Variants in PCDH17 observed in about 807,000 individuals in gnomAD.
The protein encoded by PCDH17 is protocadherin 17.
Under a neutral mutation model 67.7 loss-of-function variants are expected in PCDH17, and 21 were observed. That is an observed-to-expected ratio of 0.31 (90% CI 0.22 to 0.45). The LOEUF (loss-of-function observed/expected upper bound fraction) is 0.45, where lower values mean the gene tolerates loss of function less well. PCDH17 is among the 20% of genes least tolerant of loss of function. The pLI, the probability that PCDH17 is intolerant of heterozygous loss-of-function variation, is 1.00. For missense variants in PCDH17, 1,471 were observed against 1,564.8 expected, an observed-to-expected ratio of 0.94 and a Z score of 1.01; for synonymous variants, 701 against 656.7, an observed-to-expected ratio of 1.07 and a Z score of -1.03.
intron 1 of PCDH17, among the ~76,000 whole-genome samples, chr13:57,650,553 T>A (rs1226697709): frequency 6.6e-6 from 1 of 152,166 alleles, no homozygotes; most frequent in African/African-American, 2.4e-5. Flanking sequence ...GATATCCATG[T>A]TTTTATATTA....
intron 1 of PCDH17, among the ~76,000 whole-genome samples, chr13:57,665,254 C>T (rs918140562): frequency 4.6e-5 from 2 of 43,136 alleles, no homozygotes; most frequent in Non-Finnish European, 8.4e-5. Flanking sequence ...AATAAACTAT[C>T]ATTCTTTAAT....
intron 3 of PCDH17, among the ~76,000 whole-genome samples, chr13:57,683,042 T>C (rs2138050745): frequency 6.6e-6 from 1 of 151,968 alleles, no homozygotes; most frequent in African/African-American, 2.4e-5. Flanking sequence ...ATTCTAAGGT[T>C]ACTAGAGCTT....
chr13:57,720,781 G>T (rs536683578), intron 3 of PCDH17, among the ~76,000 whole-genome samples: 1 of 151,972 alleles, frequency 6.6e-6, no homozygotes, highest in Non-Finnish European at 1.5e-5. Context: ...TATGGTGCAG[G>T]TAAACTGCAA....
chr13:57,691,449 A>C (rs1010528446), intron 3 of PCDH17, among the ~76,000 whole-genome samples: 2 of 151,218 alleles, frequency 1.3e-5, no homozygotes, highest in African/African-American at 4.8e-5. Context: ...TGGGATAAAA[A>C]CTAATCATGG....
At chr13:57,722,700 T>G (rs182626801) in intron 3 of PCDH17, among the ~76,000 whole-genome samples, 26 of 152,258 alleles carry the variant, frequency 1.7e-4, no homozygotes, top group Admixed American at 5.2e-4. Context: ...ACTGCAGCCT[T>G]GAACTCCTGG....
At chr13:57,678,488 G>A (rs1440340538) in intron 3 of PCDH17, among the ~76,000 whole-genome samples, 2 of 151,644 alleles carry the variant, frequency 1.3e-5, no homozygotes, top group East Asian at 1.9e-4. Flanking sequence ...GTAAAGAAAG[G>A]AATGAAGAAA....
Position 57,729,156 on chromosome 13 carries a change from A to G in PCDH17, c.*3862A>G, listed in dbSNP as rs572107792. ...ATTTCCATTATCAGCCCATCACTCCATAAAGTTCTTAGCTGCACCAAGTGA... is the reference window on the plus strand; with the variant it reads ...ATTTCCATTATCAGCCCATCACTCCGTAAAGTTCTTAGCTGCACCAAGTGA... On this transcript the variant is annotated 3_prime_UTR_variant, in exon 4 of 4. Coordinates refer to ENST00000377918, the MANE Select transcript of PCDH17 (RefSeq NM_001040429.3). 2 of 152,252 alleles carry G rather than the reference A, an allele frequency of 1.3e-5. No individual in the cohort carries two copies. The highest frequency in any genetic ancestry group is 1.3e-4 in the Admixed American group (2 of 15,280). The allele number at this position is 152,252 out of a possible 1,614,324, so 9.4% of individuals were successfully genotyped here.
rs576408329 is a variant in PCDH17, at chr13:57,667,863, A to G, written c.2797+1030A>G. 4.6e-4 allele frequency among the ~76,000 whole-genome samples: 58 copies of G among 126,654 alleles called. 1 individual carries two copies. Among genetic ancestry groups the G allele is most frequent in the African/African-American group, 1.5e-3 (58 of 39,744 alleles). 83.1% of individuals were successfully genotyped at this position (126,654 alleles called of 152,430 possible). A position where few individuals can be genotyped will look rare whatever the true frequency, so the allele number is the denominator to read the frequency against. ...TATACCCATATATATAAGTATATAC[A>G]TATATGTTTATATATACTTATTTAT... is the stretch of plus-strand genomic sequence containing the variant. On this transcript the variant is annotated intron_variant, in intron 3 of 3. Transcript: ENST00000377918.
intron 3 of PCDH17, among the ~76,000 whole-genome samples, chr13:57,694,476 T>TA (rs1318700402): frequency 2.0e-5 from 3 of 151,166 alleles, no homozygotes; most frequent in Middle Eastern, 3.4e-3. Context: ...TTCCTCCTAT[T>TA]AAAAAAATGC....
At chr13:57,657,769 T>G (rs1593906434) in intron 1 of PCDH17, among the ~76,000 whole-genome samples, 1 of 152,326 alleles carries the variant, frequency 6.6e-6, no homozygotes, top group East Asian at 1.9e-4. Flanking sequence ...TTTTCAAAAT[T>G]TTATTTCTGT....
chr13:57,717,280 A>G (rs1011491528), intron 3 of PCDH17, among the ~76,000 whole-genome samples: 2 of 151,998 alleles, frequency 1.3e-5, no homozygotes, highest in Non-Finnish European at 2.9e-5. Flanking sequence ...TTTGTGCCAT[A>G]AATTCCCAAT....
chr13:57,659,897 G>C (rs79742218), intron 1 of PCDH17, among the ~76,000 whole-genome samples: 2 of 152,084 alleles, frequency 1.3e-5, no homozygotes, highest in South Asian at 4.1e-4. Flanking sequence ...TTATGGCTGG[G>C]TAAATCAGAG....
At chr13:57,660,312 A>G (rs1449578125) in intron 1 of PCDH17, among the ~76,000 whole-genome samples, 1 of 152,156 alleles carries the variant, frequency 6.6e-6, no homozygotes, top group African/African-American at 2.4e-5. Flanking sequence ...GATTAAATAG[A>G]TATTTATATC....
intron 3 of PCDH17, among the ~76,000 whole-genome samples, chr13:57,684,436 T>G (rs1955488085): frequency 6.6e-6 from 1 of 151,856 alleles, no homozygotes; most frequent in African/African-American, 2.4e-5. Context: ...ACCAAAATAT[T>G]ATTAACTTCT....
At chr13:57,689,549 G>A (rs958249305) in intron 3 of PCDH17, among the ~76,000 whole-genome samples, 1 of 151,958 alleles carries the variant, frequency 6.6e-6, no homozygotes, top group African/African-American at 2.4e-5. Context: ...TTACAGTAAA[G>A]TACCAAACAT....
At chr13:57,667,866 T>C (rs1955273161) in intron 3 of PCDH17, among the ~76,000 whole-genome samples, 1 of 126,658 alleles carries the variant, frequency 7.9e-6, no homozygotes, top group Middle Eastern at 5.0e-3. Context: ...TATATACATA[T>C]ATGTTTATAT....
At chr13:57,723,549 T>C (rs984547478) in intron 3 of PCDH17, among the ~76,000 whole-genome samples, 1 of 152,142 alleles carries the variant, frequency 6.6e-6, no homozygotes, top group African/African-American at 2.4e-5. Context: ...CGCCTAAAAG[T>C]GTAGGGACTT....
At chr13:57,630,147 G>A (rs1365740215), upstream of PCDH17, among the ~76,000 whole-genome samples, 1 of 152,220 alleles carries the variant, frequency 6.6e-6, no homozygotes, top group East Asian at 1.9e-4. Context: ...GGGATCGCGA[G>A]CCCGGCGGAT....
intron 3 of PCDH17, among the ~76,000 whole-genome samples, chr13:57,707,286 G>C (rs943102429): frequency 6.6e-6 from 1 of 150,964 alleles, no homozygotes; most frequent in Admixed American, 6.6e-5. Context: ...CTATATATAC[G>C]TATGTCATAA....
Sources: gnomAD v4.1 joint callset for allele counts (sites outside exome capture counted in the v4.1 genomes callset) on GRCh38, gnomAD v4.1.1 for gene constraint, MANE v1.5 for transcripts, NCBI Gene and HGNC (gene_info 2026-07-23, HGNC 2026-07-21) for gene names.